Variants in LIMD1 observed in about 807,000 individuals in gnomAD.
LIMD1 encodes the protein LIM domain-containing protein 1.
Under a neutral mutation model 58.4 loss-of-function variants are expected in LIMD1, and 23 were observed. The observed-to-expected ratio is 0.39, with a 90% CI of 0.28 to 0.56. The LOEUF is 0.56. Ranked by LOEUF, LIMD1 falls within the 20% of genes least tolerant of loss-of-function variation. The pLI is 0.57. For missense variants in LIMD1, 838 were observed against 855.5 expected, an observed-to-expected ratio of 0.98 and a Z score of 0.25; for synonymous variants, 334 against 345.5, an observed-to-expected ratio of 0.97 and a Z score of 0.37.
chr3:45,620,309 A>G (rs573603985), intron 1 of LIMD1, among the ~76,000 whole-genome samples: 3 of 152,368 alleles, frequency 2.0e-5, no homozygotes, highest in South Asian at 4.1e-4. Flanking sequence ...AAATAATGGT[A>G]GAAGGGTATT....
intron 2 of LIMD1, among the ~76,000 whole-genome samples, chr3:45,648,288 C>A (rs1381242086): frequency 6.6e-6 from 1 of 152,222 alleles, no homozygotes; most frequent in Admixed American, 6.5e-5. Context: ...ACTGATCTTC[C>A]TATCCCTATA....
intron 2 of LIMD1, among the ~76,000 whole-genome samples, chr3:45,645,630 C>T (rs1401907943): frequency 3.3e-5 from 5 of 152,184 alleles, no homozygotes; most frequent in Non-Finnish European, 7.3e-5. Flanking sequence ...GAAGATGTTG[C>T]ACCGCAGTGC....
At chr3:45,635,824 C>T (rs1310829627) in intron 1 of LIMD1, 2 of 908,196 alleles carry the variant, frequency 2.2e-6, no homozygotes, top group Non-Finnish European at 2.6e-6. Context: ...TGCAATCTTT[C>T]TGAACTGTCT....
At chr3:45,663,849 G>A (rs570572941) in intron 2 of LIMD1, among the ~76,000 whole-genome samples, 8 of 144,584 alleles carry the variant, frequency 5.5e-5, no homozygotes, top group East Asian at 4.1e-4. Flanking sequence ...CAAGTAGTGC[G>A]TGGCACCATG....
chr3:45,635,961 C>A, intron 1 of LIMD1, 189 bp from the exon 2 acceptor site: 1 of 985,128 alleles, frequency 1.0e-6, no homozygotes, highest in South Asian at 4.7e-5. Flanking sequence ...AGCCTGGTAG[C>A]TGTTTTCTGC....
chr3:45,634,114 T>G (rs1701762681), intron 1 of LIMD1, among the ~76,000 whole-genome samples: 1 of 152,220 alleles, frequency 6.6e-6, no homozygotes, highest in Non-Finnish European at 1.5e-5. Flanking sequence ...TCAAACACTT[T>G]TTTGAGACGA....
intron 1 of LIMD1, among the ~76,000 whole-genome samples, chr3:45,608,606 G>A (rs752777326): frequency 3.3e-5 from 5 of 152,114 alleles, no homozygotes; most frequent in Non-Finnish European, 5.9e-5. Flanking sequence ...TTTGGAGGCC[G>A]AGGCGGGCGG....
rs781671403 is a variant in LIMD1 at position 45,595,101 on chromosome 3, T to C, written c.222T>C (p.Ser74=). Residue 74 remains serine (S), a synonymous_variant, in exon 1 of 8, where the codon AGT becomes AGC. Coordinates refer to ENST00000273317, the MANE Select transcript of LIMD1 (RefSeq NM_014240.3). ...LLQEETLPRG[S]RGPVNGGGRL... is the part of the protein sequence containing the mutation. ...AGGAGGAGACTCTGCCCAGGGGGAG[T>C]AGAGGCCCTGTCAATGGAGGGGGCC... 12 of 1,609,968 alleles carry C rather than the reference T, an allele frequency of 7.5e-6. No homozygotes were observed. The East Asian group carries it at 2.7e-4, about 36-fold the overall frequency.
chr3:45,638,630 G>A (rs1701812127), intron 2 of LIMD1, among the ~76,000 whole-genome samples: 1 of 152,116 alleles, frequency 6.6e-6, no homozygotes, highest in Non-Finnish European at 1.5e-5. Context: ...AGGTATCTTT[G>A]GTAGAAGATG....
rs2125655727 is a variant in LIMD1 at position 45,627,297 on chromosome 3, C to T, written c.1409-8853C>T. 2.0e-5 allele frequency among the ~76,000 whole-genome samples: 3 copies of T among 152,326 alleles called. 1 individual carries two copies. The South Asian group carries it at 6.2e-4, about 32-fold the overall frequency. The stretch of plus-strand genomic sequence containing the variant: ...CCCCTGGACCTTTTCTTCCCCGGTA[C>T]TCCCTTAGCCCCTCTTATAAGTGCA... On this transcript the variant is annotated intron_variant, in intron 1 of 7. Coordinates refer to ENST00000273317, the MANE Select transcript of LIMD1 (RefSeq NM_014240.3).
Position 45,615,418 on chromosome 3 carries a change from C to CA in LIMD1, c.1408+19131_1408+19132insA, listed in dbSNP as rs1575346723. On this transcript the variant is annotated intron_variant, in intron 1 of 7. Transcript: ENST00000273317. ...TTTTGTTACATGGATCTATTGCCTACTGGTGAAATCTGGGTTTTAGTGTAA... is the reference window on the plus strand; with the variant it reads ...TTTTGTTACATGGATCTATTGCCTACATGGTGAAATCTGGGTTTTAGTGTAA... Among the ~76,000 whole-genome samples, 4 of 152,202 alleles carry CA rather than the reference C, an allele frequency of 2.6e-5. No individual in the cohort carries two copies. In the East Asian group the frequency reaches 7.7e-4, roughly 29 times the overall value.
intron 2 of LIMD1, among the ~76,000 whole-genome samples, chr3:45,650,696 G>A (rs1416988521): frequency 3.3e-5 from 5 of 151,984 alleles, no homozygotes; most frequent in East Asian, 1.9e-4. Flanking sequence ...ATAGTATTCC[G>A]TGGTGTATAT....
chr3:45,643,717 G>A (rs559547972), intron 2 of LIMD1, among the ~76,000 whole-genome samples: 2 of 152,344 alleles, frequency 1.3e-5, no homozygotes, highest in Non-Finnish European at 2.9e-5. Flanking sequence ...GCAGGGGGGT[G>A]CCCACCTTGG....
At position 45,648,399 on chromosome 3, in the gene LIMD1, G is replaced by C. The variant is rs140132768; in HGVS notation, c.1510+12148G>C. Among the ~76,000 whole-genome samples the C allele has an allele frequency of 2.0e-3, 297 of 152,270 alleles. 1 individual carries two copies. The highest frequency in any genetic ancestry group is 3.8e-3 in the Admixed American group (58 of 15,300). ...TAGCGTGCATTCCAGGTTCATCCACGTTGTAGTATGAATCAGTATCTCATT... is the reference window on the plus strand; with the variant it reads ...TAGCGTGCATTCCAGGTTCATCCACCTTGTAGTATGAATCAGTATCTCATT... On this transcript the variant is annotated intron_variant, in intron 2 of 7. Transcript: ENST00000273317.
At chr3:45,623,225 C>G (rs1485119768) in intron 1 of LIMD1, among the ~76,000 whole-genome samples, 1 of 152,130 alleles carries the variant, frequency 6.6e-6, no homozygotes, top group Non-Finnish European at 1.5e-5. Context: ...GCTCATCAGC[C>G]TCTGTGTGGA....
intron 2 of LIMD1, among the ~76,000 whole-genome samples, chr3:45,653,104 T>A (rs902346618): frequency 1.3e-5 from 2 of 152,208 alleles, no homozygotes; most frequent in African/African-American, 4.8e-5. Flanking sequence ...GGATTTTATG[T>A]TTCATTTTTC....
chr3:45,620,561 G>C (rs953391602), intron 1 of LIMD1, among the ~76,000 whole-genome samples: 2 of 152,186 alleles, frequency 1.3e-5, no homozygotes, highest in Admixed American at 1.3e-4. Context: ...TCCAAGGTGT[G>C]TGGATCACTT....
At chr3:45,637,844 A>G (rs114094165) in intron 2 of LIMD1, among the ~76,000 whole-genome samples, 4,607 of 152,342 alleles carry the variant, frequency 0.03, 76 homozygotes, top group Non-Finnish European at 0.041. Flanking sequence ...AATTTGCCTT[A>G]GAACACATGC....
chr3:45,618,342 G>T (rs1701594341), intron 1 of LIMD1, among the ~76,000 whole-genome samples: 1 of 152,196 alleles, frequency 6.6e-6, no homozygotes, highest in South Asian at 2.1e-4. Flanking sequence ...CAGGTCAAAA[G>T]GGTGGCTGAG....
Sources: allele counts gnomAD v4.1 joint callset (sites outside exome capture counted in the v4.1 genomes callset), GRCh38; gene constraint gnomAD v4.1.1; transcripts MANE v1.5; gene names NCBI Gene and HGNC (gene_info 2026-07-23, HGNC 2026-07-21).